ROBO2: variants seen among roughly 807,000 people sequenced by gnomAD.
ROBO2 encodes roundabout guidance receptor 2.
ROBO2 carries 53 observed loss-of-function variants against 160.8 expected under a neutral mutation model. The observed-to-expected ratio is 0.33, with a 90% CI of 0.26 to 0.41. The LOEUF (loss-of-function observed/expected upper bound fraction) is 0.41. Among genes scored for constraint, ROBO2 ranks in the 10% least tolerant of loss-of-function variants. ROBO2 has a pLI of 1.00. For synonymous variants in ROBO2, 664 were observed against 611.7 expected (o/e 1.09, Z -1.26); for missense variants, 1,577 against 1,722.4 (o/e 0.92, Z 1.49).
rs141406665 is a variant in ROBO2 at position 77,176,125 on chromosome 3, A to G, written c.388+77785A>G. 7.8e-3 allele frequency among the ~76,000 whole-genome samples: 1,186 copies of G among 152,104 alleles called. 7 individuals are homozygous for G. Among genetic ancestry groups the G allele is most frequent in the Non-Finnish European group, 0.013 (904 of 67,900 alleles). ...AGCTCCAAAAGATTGAGGGAGAACT[A>G]GAATAAGGAAGAATCATAAACAATA... On this transcript the variant is annotated intron_variant, in intron 2 of 25. Coordinates refer to ENST00000461745, the Ensembl canonical transcript of ROBO2.
chr3:76,376,817 C>G (rs186509472), intron 2 of ROBO2, among the ~76,000 whole-genome samples: 2 of 152,104 alleles, frequency 1.3e-5, no homozygotes, highest in East Asian at 1.9e-4. Flanking sequence ...TATGGTAAGC[C>G]ATGTTGAGGA....
chr3:76,499,986 C>G (rs967558166), intron 2 of ROBO2, among the ~76,000 whole-genome samples: 3 of 152,038 alleles, frequency 2.0e-5, no homozygotes, highest in East Asian at 1.9e-4. Flanking sequence ...ACATAAAGAC[C>G]TGGCCAAAGG....
intron 2 of ROBO2, among the ~76,000 whole-genome samples, chr3:76,522,657 C>T (rs1241933463): frequency 1.3e-5 from 2 of 152,082 alleles, no homozygotes; most frequent in African/African-American, 4.8e-5. Context: ...GAATATCGAA[C>T]TAAGATTCCA....
chr3:76,956,100 CAG>C (rs909317427), intron 2 of ROBO2, among the ~76,000 whole-genome samples: 2 of 152,136 alleles, frequency 1.3e-5, no homozygotes, highest in African/African-American at 4.8e-5. Flanking sequence ...TGTTCAGTAA[CAG>C]TGGTAATCAT....
chr3:75,933,856 T>C (rs1947649684), intron 1 of ROBO2, among the ~76,000 whole-genome samples: 1 of 152,150 alleles, frequency 6.6e-6, no homozygotes, highest in Non-Finnish European at 1.5e-5. Flanking sequence ...TTTGCTCTTA[T>C]AACGTGTTCT....
chr3:76,945,511 A>G (rs1198735098), intron 2 of ROBO2, among the ~76,000 whole-genome samples: 2 of 152,124 alleles, frequency 1.3e-5, no homozygotes, highest in East Asian at 3.9e-4. Context: ...TTTTCTTTGC[A>G]TGTGTTTTCT....
chr3:76,938,971 C>CAAAAAAAAAAAAAAAAAAAAAAAAAAAA (rs71629626), intron 2 of ROBO2, among the ~76,000 whole-genome samples: 2 of 114,580 alleles, frequency 1.7e-5, no homozygotes, highest in African/African-American at 6.3e-5. Context: ...AACTCAGTCT[C>CAAAAAAAAAAAAAAAAAAAAAAAAAAAA]AAAAAAAAAA....
At chr3:76,122,513 T>G (rs1483826595) in intron 2 of ROBO2, among the ~76,000 whole-genome samples, 1 of 152,172 alleles carries the variant, frequency 6.6e-6, no homozygotes, top group Admixed American at 6.5e-5. Context: ...TTTTTGAATT[T>G]TTGGCATTTA....
intron 2 of ROBO2, among the ~76,000 whole-genome samples, chr3:76,773,088 G>A (rs753093331): frequency 1.5e-4 from 22 of 151,184 alleles, no homozygotes; most frequent in South Asian, 8.3e-4. Flanking sequence ...ATGTACTTGA[G>A]ACGTTCATTG....
At chr3:76,531,045 C>A (rs2082197479) in intron 2 of ROBO2, among the ~76,000 whole-genome samples, 1 of 152,130 alleles carries the variant, frequency 6.6e-6, no homozygotes, top group African/African-American at 2.4e-5. Flanking sequence ...AGTTTTGCCT[C>A]TCAATAGATT....
At chr3:76,882,745 T>C (rs2073483910) in intron 2 of ROBO2, among the ~76,000 whole-genome samples, 1 of 152,214 alleles carries the variant, frequency 6.6e-6, no homozygotes, top group African/African-American at 2.4e-5. Flanking sequence ...CTGTTCATTG[T>C]TAAATTTTTC....
rs967422150 is a variant in ROBO2 at position 76,201,274 on chromosome 3, G to A, written c.109+263672G>A. 9.9e-5 allele frequency among the ~76,000 whole-genome samples: 15 copies of A among 152,216 alleles called. No homozygotes were observed. The South Asian group carries it at 1.7e-3, about 17-fold the overall frequency. ...CCAATTTTTATACTTAATCTTATGCGAGTGGATTATTACCAATTTTAATTT... is the reference window on the plus strand; with the variant it reads ...CCAATTTTTATACTTAATCTTATGCAAGTGGATTATTACCAATTTTAATTT... On this transcript the variant is annotated intron_variant, in intron 2 of 26. Coordinates refer to the ROBO2 transcript ENST00000487694.
chr3:76,549,040 A>T (rs1158213366), intron 2 of ROBO2, among the ~76,000 whole-genome samples: 2 of 152,176 alleles, frequency 1.3e-5, no homozygotes, highest in Non-Finnish European at 2.9e-5. Flanking sequence ...AATTTTCAGA[A>T]TTCCCTGAAA....
intron 2 of ROBO2, among the ~76,000 whole-genome samples, chr3:76,048,078 A>AT (rs1559865821): frequency 5.9e-5 from 9 of 152,248 alleles, no homozygotes; most frequent in Middle Eastern, 3.4e-3. Context: ...CTTTTCATAT[A>AT]TTATCTCATT....
chr3:76,388,662 A>T (rs1261085195), intron 2 of ROBO2, among the ~76,000 whole-genome samples: 1 of 152,094 alleles, frequency 6.6e-6, no homozygotes, highest in African/African-American at 2.4e-5. Context: ...AATTTTCAGA[A>T]TGTGCCTTAC....
intron 2 of ROBO2, among the ~76,000 whole-genome samples, chr3:76,368,549 T>G (rs2075949942): frequency 1.3e-5 from 2 of 151,894 alleles, no homozygotes; most frequent in African/African-American, 2.4e-5. Flanking sequence ...ACCACAGTAT[T>G]TACACCTGAC....
chr3:77,049,878 CA>C (rs2065043445), intron 1 of ROBO2, among the ~76,000 whole-genome samples: 1 of 152,170 alleles, frequency 6.6e-6, no homozygotes, highest in African/African-American at 2.4e-5. Context: ...CAAACCTCTG[CA>C]GCACTTATAA....
At chr3:76,664,463 A>T (rs1387721744) in intron 2 of ROBO2, among the ~76,000 whole-genome samples, 1 of 152,224 alleles carries the variant, frequency 6.6e-6, no homozygotes, top group Non-Finnish European at 1.5e-5. Context: ...AAACACAGTG[A>T]ATTTGAAAAT....
At chr3:76,332,432 T>A (rs1192828061) in intron 2 of ROBO2, among the ~76,000 whole-genome samples, 2 of 152,332 alleles carry the variant, frequency 1.3e-5, no homozygotes, top group East Asian at 3.9e-4. Context: ...TGACTAATGA[T>A]GCAAAAGTTT....
Sources: allele counts gnomAD v4.1 joint callset (sites outside exome capture counted in the v4.1 genomes callset), GRCh38; gene constraint gnomAD v4.1.1; transcripts MANE v1.5; gene names NCBI Gene and HGNC (gene_info 2026-07-23, HGNC 2026-07-21).